The following MIER3 variants were observed in gnomAD, a reference collection of about 807,000 sequenced individuals.
The protein encoded by MIER3 is MIER family member 3.
MIER3 carries 9 observed loss-of-function variants against 63.2 expected under a neutral mutation model. The observed-to-expected ratio is 0.14, with a 90% CI of 0.09 to 0.25. MIER3 has a LOEUF of 0.25. Ranked by LOEUF, MIER3 falls within the 10% of genes least tolerant of loss-of-function variation. The pLI is 1.00. For missense variants in MIER3, 512 were observed against 666.2 expected (o/e 0.77, Z 2.55); for synonymous variants, 205 against 224.9 (o/e 0.91, Z 0.79).
In MIER3 at chr5:56,928,783, A is replaced by C; in HGVS notation, c.908T>G (p.Leu303Arg). 1 of 1,612,764 alleles carries C rather than the reference A, an allele frequency of 6.2e-7. No individual in the cohort carries two copies. Among genetic ancestry groups the C allele is most frequent in the Non-Finnish European group, 8.5e-7 (1 of 1,178,976 alleles). The change falls in exon 10 of 13, where the codon CTT becomes CGT. Residue 303 changes from leucine (L) to arginine (R), a missense_variant. By Grantham distance (102) the Leu-to-Arg change is moderately radical. Transcript: ENST00000381199. ...CTAATTTACCTTATTCTTCTGTATA[A>C]GATGAAAATCTTTTCCAAAAAGCAT... is the stretch of plus-strand genomic sequence containing the variant. ...ALMLFGKDFH[L>R]IQKNKVRTRT...
In MIER3 at chr5:56,923,946, T is replaced by C; in HGVS notation, c.1021A>G (p.Lys341Glu). The C allele has an allele frequency of 6.2e-7, 1 of 1,614,138 alleles. No individual in the cohort carries two copies. The highest frequency in any genetic ancestry group is 8.5e-7 in the Non-Finnish European group (1 of 1,180,006). ...CCAGGGTGATGGTTATATCTTTTTT[T>C]CCCAAATCTTGTCTGTTGAGCAAAG... The part of the protein sequence containing the change: ...DYFAQQTRFG[K>E]KRYNHHPGVT... The change falls in exon 11 of 13, where the codon AAA (lysine) becomes GAA (glutamate). Residue 341 changes from lysine (K) to glutamate (E), a missense_variant. Coordinates refer to ENST00000381199, the MANE Select transcript of MIER3 (RefSeq NM_001297599.2).
intron 7 of MIER3, among the ~76,000 whole-genome samples, chr5:56,933,734 G>A (rs1750352370): frequency 6.6e-6 from 1 of 152,154 alleles, no homozygotes. Context: ...AAAATAACCT[G>A]TGTAAATTCT....
intron 2 of MIER3, among the ~76,000 whole-genome samples, chr5:56,947,427 A>T (rs558629033): frequency 7.2e-5 from 11 of 152,312 alleles, no homozygotes; most frequent in African/African-American, 2.6e-4. Flanking sequence ...AAGCAATAGC[A>T]AAATATCAGA....
At chr5:56,928,979 A>ACC in intron 9 of MIER3, 118 bp from the exon 10 acceptor site, 1 of 368,530 alleles carries the variant, frequency 2.7e-6, no homozygotes, top group Non-Finnish European at 5.3e-6. Flanking sequence ...TCACACACAC[A>ACC]CACTCTCTCT....
At chr5:56,933,487 A>G (rs1362477809) in intron 7 of MIER3, 89 bp from the exon 8 acceptor site, 1 of 1,223,198 alleles carries the variant, frequency 8.2e-7, no homozygotes, top group Non-Finnish European at 1.1e-6. Flanking sequence ...TTGATTGGCT[A>G]TCCAGTGGGA....
chr5:56,949,403 CTTAT>C (rs1156653967), intron 2 of MIER3, among the ~76,000 whole-genome samples: 6 of 152,240 alleles, frequency 3.9e-5, no homozygotes, highest in African/African-American at 9.6e-5. Context: ...TGTCTTTTGG[CTTAT>C]TTAGAGTGCA....
intron 3 of MIER3, among the ~76,000 whole-genome samples, chr5:56,944,823 T>C (rs1040124128): frequency 6.6e-6 from 1 of 152,046 alleles, no homozygotes; most frequent in Non-Finnish European, 1.5e-5. Flanking sequence ...GCCTCCCAAG[T>C]AGCTGGGGCT....
intron 1 of MIER3, 87 bp from the exon 2 acceptor site, chr5:56,950,739 T>C: frequency 6.7e-7 from 1 of 1,485,376 alleles, no homozygotes; most frequent in Non-Finnish European, 9.3e-7. Context: ...GGAGGCGGAG[T>C]CGAGCGCTCC....
rs763598401 is a variant in MIER3 at position 56,923,212 on chromosome 5, G to A, written c.1569C>T (p.Asp523=). Residue 523 remains aspartate, a synonymous_variant, in exon 13 of 13, where the codon GAC becomes GAT. Transcript: ENST00000381199. ...TCTCGTTGGCAGAGAGACTGCCAAAGTCAGCCACAGAAACAGCCATTTTGG... is the reference window on the plus strand; with the variant it reads ...TCTCGTTGGCAGAGAGACTGCCAAAATCAGCCACAGAAACAGCCATTTTGG... ...TSAKMAVSVA[D]FGSLSANETN... 15 of 1,613,990 alleles carry A rather than the reference G, an allele frequency of 9.3e-6. No homozygotes were observed. Among genetic ancestry groups the A allele is most frequent in the African/African-American group, 1.3e-5 (1 of 74,896 alleles).
intron 7 of MIER3, among the ~76,000 whole-genome samples, chr5:56,934,652 C>T (rs886825494): frequency 1.3e-5 from 2 of 152,100 alleles, no homozygotes; most frequent in African/African-American, 4.8e-5. Context: ...CTAGTGGCTG[C>T]CATGGCTAAC....
intron 7 of MIER3, 59 bp downstream of exon 7, chr5:56,935,369 C>T (rs1399197172): frequency 4.7e-6 from 6 of 1,273,464 alleles, no homozygotes; most frequent in Non-Finnish European, 5.5e-6. Flanking sequence ...TATTTAAATA[C>T]ACTTATCAAG....
At chr5:56,936,411 A>G (rs140213254) in intron 5 of MIER3, among the ~76,000 whole-genome samples, 2 of 152,306 alleles carry the variant, frequency 1.3e-5, no homozygotes, top group African/African-American at 4.8e-5. Flanking sequence ...ACACGAATGC[A>G]TGGATATTTG....
At chr5:56,933,075 G>A (rs537314320) in intron 8 of MIER3, among the ~76,000 whole-genome samples, 172 bp downstream of exon 8, 1 of 152,176 alleles carries the variant, frequency 6.6e-6, no homozygotes. Context: ...AAACTACAGT[G>A]AAGTTATCTC....
chr5:56,945,831 A>G (rs922371424), intron 3 of MIER3, among the ~76,000 whole-genome samples: 1 of 152,228 alleles, frequency 6.6e-6, no homozygotes, highest in African/African-American at 2.4e-5. Flanking sequence ...ATTCCACTAA[A>G]AAAGATTAAG....
chr5:56,941,508 T>C (rs1321012785), intron 3 of MIER3: 9 of 151,848 alleles, frequency 5.9e-5, no homozygotes, highest in African/African-American at 2.2e-4. Flanking sequence ...ATGAAGAGTA[T>C]TCCAGGCAAA....
At chr5:56,946,864 T>G in intron 3 of MIER3, 62 bp downstream of exon 3, 1 of 1,255,650 alleles carries the variant, frequency 8.0e-7, no homozygotes, top group Non-Finnish European at 1.1e-6. Flanking sequence ...TAGATTATTT[T>G]TAAAATTACA....
intron 1 of MIER3, among the ~76,000 whole-genome samples, 172 bp from the exon 2 acceptor site, chr5:56,950,824 G>A (rs1461708328): frequency 6.6e-6 from 1 of 152,164 alleles, no homozygotes; most frequent in Non-Finnish European, 1.5e-5. Context: ...CCTCTTGGCT[G>A]CCTCGCCTTC....
At chr5:56,945,990 G>A (rs549490325) in intron 3 of MIER3, among the ~76,000 whole-genome samples, 1 of 152,134 alleles carries the variant, frequency 6.6e-6, no homozygotes, top group African/African-American at 2.4e-5. Context: ...AAAGAATAGA[G>A]ACCACATGTA....
chr5:56,938,498 A>G (rs1281172897), intron 4 of MIER3, among the ~76,000 whole-genome samples: 1 of 152,198 alleles, frequency 6.6e-6, no homozygotes, highest in Admixed American at 6.5e-5. Flanking sequence ...GAGCCAAGAA[A>G]ACAGAACTTC....
Sources: gnomAD v4.1 joint callset for allele counts (sites outside exome capture counted in the v4.1 genomes callset) on GRCh38, gnomAD v4.1.1 for gene constraint, MANE v1.5 for transcripts, NCBI Gene and HGNC (gene_info 2026-07-23, HGNC 2026-07-21) for gene names.